The following MBNL2 variants were observed in gnomAD, a reference collection of about 807,000 sequenced individuals.
The protein encoded by MBNL2 is muscleblind like splicing regulator 2, also known as muscleblind-like protein 2.
Under a neutral mutation model 41.9 loss-of-function variants are expected in MBNL2, and 17 were observed. The observed-to-expected ratio is 0.41, with a 90% CI of 0.28 to 0.61. The LOEUF is 0.61. Among genes scored for constraint, MBNL2 ranks in the 20% least tolerant of loss-of-function variants. The pLI, the probability that MBNL2 is intolerant of heterozygous loss-of-function variation, is 0.35. For missense variants in MBNL2, 336 were observed against 505.6 expected (o/e 0.66, Z 3.22); for synonymous variants, 195 against 182.9 (o/e 1.07, Z -0.53).
the MBNL2 span, among the ~76,000 whole-genome samples, chr13:97,182,118 A>C: frequency 6.6e-6 from 1 of 152,188 alleles, no homozygotes; most frequent in Non-Finnish European, 1.5e-5. Context: ...TACTTTGACT[A>C]TTAAAAGATA....
intron 7 of MBNL2, among the ~76,000 whole-genome samples, chr13:97,359,253 G>T (rs1324368172): frequency 2.0e-5 from 3 of 151,386 alleles, no homozygotes; most frequent in Non-Finnish European, 2.9e-5. Context: ...AGACCTCTTG[G>T]CCACTAGATA....
chr13:97,317,404 G>A (rs1045176941), intron 2 of MBNL2, among the ~76,000 whole-genome samples: 6 of 152,172 alleles, frequency 3.9e-5, no homozygotes, highest in Non-Finnish European at 5.9e-5. Flanking sequence ...GGACAGGCAC[G>A]TGTTTCATAT....
At chr13:97,370,594 A>G (rs1281388486) in intron 8 of MBNL2, among the ~76,000 whole-genome samples, 1 of 151,852 alleles carries the variant, frequency 6.6e-6, no homozygotes, top group African/African-American at 2.4e-5. Context: ...GCTTGAACCC[A>G]GGAGGCAGAG....
At chr13:97,336,097 GA>G (rs764219365) in intron 3 of MBNL2, among the ~76,000 whole-genome samples, 4 of 152,152 alleles carry the variant, frequency 2.6e-5, no homozygotes, top group Admixed American at 6.5e-5. Flanking sequence ...GTTAACGAGA[GA>G]ATCCCATCCC....
intron 2 of MBNL2, among the ~76,000 whole-genome samples, chr13:97,298,118 G>A (rs944687517): frequency 6.6e-6 from 1 of 151,878 alleles, no homozygotes; most frequent in African/African-American, 2.4e-5. Context: ...CATGGCACAT[G>A]TATACGTATG....
chr13:97,303,278 G>C (rs181662258), intron 2 of MBNL2, among the ~76,000 whole-genome samples: 1 of 152,126 alleles, frequency 6.6e-6, no homozygotes, highest in Non-Finnish European at 1.5e-5. Flanking sequence ...GATTTGGATG[G>C]CAGAAGTCAC....
the MBNL2 span, among the ~76,000 whole-genome samples, chr13:97,163,963 C>G: frequency 6.6e-6 from 1 of 152,144 alleles, no homozygotes; most frequent in East Asian, 1.9e-4. Flanking sequence ...GCAGAACTTT[C>G]TAGCACAGTT....
In MBNL2 at chr13:97,343,192, A is replaced by G. The variant is rs1317668569; in HGVS notation, c.516A>G (p.Lys172=). ...VTVPGSTATQ[K]LLRTDKLEVC... ...TCCCGGGCTCAACTGCAACTCAGAA[A>G]CTTCTCAGGACTGACAAACTGGAGG... is the stretch of plus-strand genomic sequence containing the variant. Residue 172 remains lysine (K), a synonymous_variant, in exon 4 of 9, where the codon AAA becomes AAG. Transcript: ENST00000679496. 6.2e-7 allele frequency: 1 copy of G among 1,607,390 alleles called. No individual in the cohort carries two copies. Among genetic ancestry groups the G allele is most frequent in the Non-Finnish European group, 8.5e-7 (1 of 1,176,874 alleles).
intron 1 of MBNL2, among the ~76,000 whole-genome samples, chr13:97,256,922 C>T (rs1182677249): frequency 1.3e-5 from 2 of 152,228 alleles, no homozygotes; most frequent in Admixed American, 1.3e-4. Context: ...ACATCATTCA[C>T]ATCTGCACAT....
At chr13:97,265,836 G>A (rs996815792) in intron 1 of MBNL2, among the ~76,000 whole-genome samples, 7 of 152,116 alleles carry the variant, frequency 4.6e-5, no homozygotes, top group African/African-American at 7.2e-5. Context: ...CTCAGATAGA[G>A]CAGGTGACAT....
intron 2 of MBNL2, among the ~76,000 whole-genome samples, chr13:97,276,934 T>A (rs2052278284): frequency 6.6e-6 from 1 of 152,182 alleles, no homozygotes; most frequent in South Asian, 2.1e-4. Flanking sequence ...CTACTTCATG[T>A]GAGTTATATG....
At chr13:97,365,023 A>AACCCTACTT in intron 7 of MBNL2, 113 bp from the exon 8 acceptor site, 1 of 792,620 alleles carries the variant, frequency 1.3e-6, no homozygotes, top group Non-Finnish European at 2.3e-6. Context: ...TGTGTTAACT[A>AACCCTACTT]ACCCTACTTA....
At chr13:97,363,983 G>A (rs1271952847) in intron 7 of MBNL2, among the ~76,000 whole-genome samples, 3 of 152,110 alleles carry the variant, frequency 2.0e-5, no homozygotes, top group African/African-American at 7.2e-5. Flanking sequence ...ACATTTACGA[G>A]AAACTACTTC....
At chr13:97,160,842 C>CT in the MBNL2 span, among the ~76,000 whole-genome samples, 5 of 152,292 alleles carry the variant, frequency 3.3e-5, no homozygotes, top group Admixed American at 6.5e-5. Flanking sequence ...TAGTTTACTT[C>CT]TTTAAACTTA....
At chr13:97,251,173 C>T (rs544627571) in intron 1 of MBNL2, among the ~76,000 whole-genome samples, 6 of 148,142 alleles carry the variant, frequency 4.1e-5, no homozygotes, top group South Asian at 2.2e-4. Flanking sequence ...ATGTAGAATG[C>T]GTGAGATCTA....
At chr13:97,299,189 G>GT (rs914472824) in intron 2 of MBNL2, among the ~76,000 whole-genome samples, 34 of 151,918 alleles carry the variant, frequency 2.2e-4, no homozygotes, top group Non-Finnish European at 3.8e-4. Flanking sequence ...CACTTTTCTA[G>GT]TTTTTTTTAA....
In MBNL2 at chr13:97,392,132, T is replaced by C. The variant is rs1028658728; in HGVS notation, c.*683T>C. The C allele has an allele frequency of 7.2e-5, 11 of 152,646 alleles. No homozygotes were observed. Among genetic ancestry groups the C allele is most frequent in the African/African-American group, 2.7e-4 (11 of 41,468 alleles). 9.5% of individuals were successfully genotyped at this position (152,646 alleles called of 1,614,324 possible). On this transcript the variant is annotated 3_prime_UTR_variant, in exon 9 of 9. Transcript: ENST00000679496. Reference sequence around the variant, plus strand: ...AAGTTGTTTTATAAGAGAGACTTTGTAGAAGTGCCTAGATTTTGCCAGACT... The same window carrying C: ...AAGTTGTTTTATAAGAGAGACTTTGCAGAAGTGCCTAGATTTTGCCAGACT...
intron 8 of MBNL2, among the ~76,000 whole-genome samples, chr13:97,382,155 TAC>T (rs2065507895): frequency 2.0e-5 from 3 of 152,252 alleles, no homozygotes; most frequent in African/African-American, 7.2e-5. Flanking sequence ...CCTGCTTTAG[TAC>T]ACATACAGTC....
At chr13:97,372,316 A>G (rs2064462077) in intron 8 of MBNL2, among the ~76,000 whole-genome samples, 1 of 152,196 alleles carries the variant, frequency 6.6e-6, no homozygotes, top group Non-Finnish European at 1.5e-5. Flanking sequence ...GTCTTACCAC[A>G]TCTTCTGAAC....
Sources: allele counts gnomAD v4.1 joint callset (sites outside exome capture counted in the v4.1 genomes callset), GRCh38; gene constraint gnomAD v4.1.1; transcripts MANE v1.5; gene names NCBI Gene and HGNC (gene_info 2026-07-23, HGNC 2026-07-21).